Variants in UNC5D observed in about 807,000 individuals in gnomAD.
The protein encoded by UNC5D is unc-5 netrin receptor D.
In UNC5D, 39 loss-of-function variants were observed where a neutral mutation model predicts 105.4. The ratio of observed to expected loss-of-function variants is 0.37; its 90% CI spans 0.29 to 0.48. The LOEUF is 0.48. UNC5D is among the 20% of genes least tolerant of loss of function. The pLI is 0.98. For missense variants in UNC5D, 991 were observed against 1,202.4 expected (o/e 0.82, Z 2.60); for synonymous variants, 452 against 450.4 (o/e 1.00, Z -0.04).
chr8:35,528,039 G>T (rs915744434), intron 1 of UNC5D, among the ~76,000 whole-genome samples: 82 of 125,130 alleles, frequency 6.6e-4, no homozygotes, highest in Non-Finnish European at 9.9e-4. Context: ...GAAACAGCTG[G>T]TTTTTTTTTT....
chr8:35,673,335 A>G (rs1824954234), intron 4 of UNC5D, among the ~76,000 whole-genome samples: 1 of 152,214 alleles, frequency 6.6e-6, no homozygotes, highest in South Asian at 2.1e-4. Context: ...AATATGCCCC[A>G]TTGTGAGCAG....
chr8:35,306,287 G>C (rs920356785), intron 1 of UNC5D, among the ~76,000 whole-genome samples: 1 of 151,864 alleles, frequency 6.6e-6, no homozygotes, highest in Non-Finnish European at 1.5e-5. Context: ...AATGGAATTT[G>C]CTTAAAAATA....
intron 4 of UNC5D, among the ~76,000 whole-genome samples, chr8:35,613,703 G>A (rs1196394628): frequency 1.3e-5 from 2 of 152,062 alleles, no homozygotes; most frequent in Non-Finnish European, 2.9e-5. Context: ...ACAAATATTA[G>A]CCAGGCATGG....
chr8:35,709,436 T>C (rs1356060988), intron 8 of UNC5D, among the ~76,000 whole-genome samples: 8 of 152,150 alleles, frequency 5.3e-5, no homozygotes, highest in African/African-American at 1.9e-4. Context: ...AGTCCTGTAA[T>C]CCCAGCATTT....
chr8:35,672,889 A>T (rs1824917819), intron 4 of UNC5D, among the ~76,000 whole-genome samples: 1 of 152,158 alleles, frequency 6.6e-6, no homozygotes. Flanking sequence ...TGAAGCGGGG[A>T]AAGTAAAGGA....
rs574038039 is a variant in UNC5D, at chr8:35,665,227, A to T, written c.571-18320A>T. On this transcript the variant is annotated intron_variant, in intron 4 of 16. Coordinates refer to ENST00000404895, the MANE Select transcript of UNC5D (RefSeq NM_080872.4). ...ACCACATTGTGCTATTCAAGCTTTC[A>T]TCCTTTATGCCTCTTAAAGGAGTTA... Among the ~76,000 whole-genome samples the T allele has an allele frequency of 1.4e-4, 22 of 152,286 alleles. 1 individual carries two copies. In the South Asian group the frequency reaches 3.3e-3, roughly 23 times the overall value.
At chr8:35,535,575 A>C (rs1814775841) in intron 1 of UNC5D, among the ~76,000 whole-genome samples, 1 of 152,014 alleles carries the variant, frequency 6.6e-6, no homozygotes, top group Admixed American at 6.6e-5. Context: ...TTAACCTTTC[A>C]AGAGCATCCA....
intron 4 of UNC5D, among the ~76,000 whole-genome samples, chr8:35,618,163 A>C (rs1018871238): frequency 6.6e-6 from 1 of 152,190 alleles, no homozygotes; most frequent in African/African-American, 2.4e-5. Flanking sequence ...ATACCACCAG[A>C]ACTTGACAAG....
At position 35,793,207 on chromosome 8, in the gene UNC5D, G is replaced by A. The variant is rs1437896276; in HGVS notation, c.*2644G>A. ...GGTCACTGCATGTCAGGATTGCACA[G>A]TATGTTACAATACAATTTCAAAGAG... On this transcript the variant is annotated 3_prime_UTR_variant, in exon 17 of 17. Coordinates refer to ENST00000404895, the MANE Select transcript of UNC5D (RefSeq NM_080872.4). 1 of 451,120 alleles carries A rather than the reference G, an allele frequency of 2.2e-6. No individual in the cohort carries two copies. The highest frequency in any genetic ancestry group is 1.6e-5 in the South Asian group (1 of 63,274). 27.9% of individuals were successfully genotyped at this position (451,120 alleles called of 1,614,324 possible).
intron 14 of UNC5D, among the ~76,000 whole-genome samples, chr8:35,761,531 G>A (rs1238319961): frequency 6.6e-6 from 1 of 152,186 alleles, no homozygotes; most frequent in Admixed American, 6.5e-5. Context: ...CTGCCGGGAT[G>A]GGCTGGATTA....
At chr8:35,721,660 A>G (rs1481636854) in intron 8 of UNC5D, among the ~76,000 whole-genome samples, 1 of 152,216 alleles carries the variant, frequency 6.6e-6, no homozygotes, top group Non-Finnish European at 1.5e-5. Context: ...TTGTCAGTGT[A>G]CTTTTAATCT....
chr8:35,306,871 A>G (rs1366920076), intron 1 of UNC5D, among the ~76,000 whole-genome samples: 1 of 152,180 alleles, frequency 6.6e-6, no homozygotes, highest in African/African-American at 2.4e-5. Context: ...TCATTGATAG[A>G]TCAGATTCAT....
At chr8:35,686,500 T>C (rs1389240476) in intron 6 of UNC5D, 45 bp from the exon 7 acceptor site, 50 of 1,515,986 alleles carry the variant, frequency 3.3e-5, no homozygotes, top group Non-Finnish European at 4.2e-5. Flanking sequence ...TCCTGACCGC[T>C]ACTTGATTCA....
chr8:35,768,062 G>A (rs997448179), intron 15 of UNC5D, among the ~76,000 whole-genome samples: 3 of 151,120 alleles, frequency 2.0e-5, no homozygotes, highest in African/African-American at 7.3e-5. Context: ...ATTTAGGCTT[G>A]GCAGAAGATT....
intron 4 of UNC5D, among the ~76,000 whole-genome samples, chr8:35,611,650 A>C (rs1212817308): frequency 1.3e-5 from 2 of 152,182 alleles, no homozygotes; most frequent in African/African-American, 2.4e-5. Context: ...TCATGAGCCC[A>C]TCCTAATAGC....
At chr8:35,574,508 G>A (rs1275079654) in intron 3 of UNC5D, among the ~76,000 whole-genome samples, 3 of 152,146 alleles carry the variant, frequency 2.0e-5, no homozygotes, top group Admixed American at 1.3e-4. Context: ...TCATTCAAAA[G>A]CTTTGAAACT....
At chr8:35,417,895 T>A (rs1805631248) in intron 1 of UNC5D, among the ~76,000 whole-genome samples, 1 of 152,204 alleles carries the variant, frequency 6.6e-6, no homozygotes, top group East Asian at 1.9e-4. Flanking sequence ...GCACAGTATT[T>A]GTGTCACATA....
At chr8:35,763,953 C>T (rs547790836) in intron 14 of UNC5D, among the ~76,000 whole-genome samples, 1 of 152,222 alleles carries the variant, frequency 6.6e-6, no homozygotes, top group Non-Finnish European at 1.5e-5. Context: ...ATTGCCTGCC[C>T]CCAATCATTA....
At chr8:35,349,292 A>G (rs1812039019) in intron 1 of UNC5D, among the ~76,000 whole-genome samples, 1 of 151,876 alleles carries the variant, frequency 6.6e-6, no homozygotes, top group South Asian at 2.1e-4. Context: ...GAATTTTTAC[A>G]CTCTGTTCTA....
Sources: gnomAD v4.1 joint callset for allele counts (sites outside exome capture counted in the v4.1 genomes callset) on GRCh38, gnomAD v4.1.1 for gene constraint, MANE v1.5 for transcripts, NCBI Gene and HGNC (gene_info 2026-07-23, HGNC 2026-07-21) for gene names.